Variants in MACROD2 observed in about 807,000 individuals in gnomAD.
MACROD2 encodes the protein mono-ADP ribosylhydrolase 2.
A neutral mutation model predicts 70.4 loss-of-function variants in MACROD2; 36 were observed. The ratio of observed to expected loss-of-function variants is 0.51; its 90% CI spans 0.39 to 0.68. The LOEUF is 0.68. MACROD2 is among the 30% of genes least tolerant of loss of function. The pLI is 0.00. For missense variants in MACROD2, 496 were observed against 538.4 expected (o/e 0.92, Z 0.78); for synonymous variants, 172 against 178.8 (o/e 0.96, Z 0.30).
chr20:14,570,877 AT>A (rs11480995), intron 4 of MACROD2, among the ~76,000 whole-genome samples: 4 of 151,348 alleles, frequency 2.6e-5, no homozygotes, highest in African/African-American at 9.7e-5. Context: ...GAATTATGTG[AT>A]TTTTTTTTAC....
chr20:15,496,816 G>A (rs1160405409), intron 7 of MACROD2, among the ~76,000 whole-genome samples: 1 of 152,174 alleles, frequency 6.6e-6, no homozygotes, highest in African/African-American at 2.4e-5. Flanking sequence ...GGCTGCCTCT[G>A]TTTTGTGTAA....
At chr20:15,380,703 GTTTACACCAA>G (rs1243611522) in intron 6 of MACROD2, among the ~76,000 whole-genome samples, 1 of 152,050 alleles carries the variant, frequency 6.6e-6, no homozygotes, top group African/African-American at 2.4e-5. Context: ...TGATGGAACT[GTTTACACCAA>G]GAAATTAGCA....
chr20:14,157,698 G>T (rs900233273), intron 3 of MACROD2, among the ~76,000 whole-genome samples: 1 of 152,022 alleles, frequency 6.6e-6, no homozygotes, highest in African/African-American at 2.4e-5. Flanking sequence ...TCTGTGCCTG[G>T]CTTATTTCAC....
intron 3 of MACROD2, among the ~76,000 whole-genome samples, chr20:14,112,544 G>C (rs2054465178): frequency 6.6e-6 from 1 of 151,712 alleles, no homozygotes; most frequent in African/African-American, 2.4e-5. Context: ...TTGATGTATA[G>C]TTTTATTAAT....
intron 5 of MACROD2, among the ~76,000 whole-genome samples, chr20:14,927,618 T>C (rs353140): frequency 0.49 from 74,748 of 151,968 alleles, 19,135 homozygotes; most frequent in South Asian, 0.71. Flanking sequence ...TACAGGCTAG[T>C]TCCTGGGGAA....
At chr20:15,487,245 C>G (rs990146151) in intron 7 of MACROD2, among the ~76,000 whole-genome samples, 1 of 152,134 alleles carries the variant, frequency 6.6e-6, no homozygotes, top group Non-Finnish European at 1.5e-5. Flanking sequence ...CTTATCTAAT[C>G]CAGCACTCTC....
intron 8 of MACROD2, among the ~76,000 whole-genome samples, chr20:15,781,531 A>G (rs1367619586): frequency 6.6e-6 from 1 of 152,196 alleles, no homozygotes; most frequent in Non-Finnish European, 1.5e-5. Flanking sequence ...TCTGCTTTCA[A>G]GATGGCTTCT....
At chr20:14,993,354 G>A (rs1347706244) in intron 5 of MACROD2, among the ~76,000 whole-genome samples, 3 of 151,522 alleles carry the variant, frequency 2.0e-5, no homozygotes, top group Non-Finnish European at 2.9e-5. Flanking sequence ...TCTTGGAAGT[G>A]TGCCCCTGGG....
intron 3 of MACROD2, among the ~76,000 whole-genome samples, chr20:14,302,597 C>A (rs1432920890): frequency 6.6e-6 from 1 of 151,880 alleles, no homozygotes; most frequent in African/African-American, 2.4e-5. Flanking sequence ...GGGAGTACAG[C>A]ACTTTTAAAT....
intron 2 of MACROD2, among the ~76,000 whole-genome samples, chr20:14,008,478 C>T (rs780844444): frequency 6.6e-6 from 1 of 152,126 alleles, no homozygotes; most frequent in Non-Finnish European, 1.5e-5. Context: ...AGAGAGGACA[C>T]AAACAGAGAA....
intron 5 of MACROD2, among the ~76,000 whole-genome samples, chr20:14,722,584 G>A (rs1476494070): frequency 6.6e-6 from 1 of 152,092 alleles, no homozygotes; most frequent in South Asian, 2.1e-4. Flanking sequence ...TAAGTAAATG[G>A]TTTTTAAACA....
At chr20:14,694,347 C>G (rs1323003701) in intron 5 of MACROD2, among the ~76,000 whole-genome samples, 2 of 152,028 alleles carry the variant, frequency 1.3e-5, no homozygotes, top group African/African-American at 4.8e-5. Flanking sequence ...TAACCGAGGC[C>G]TAGGAAAATT....
chr20:15,664,089 A>G (rs2049862541), intron 8 of MACROD2, among the ~76,000 whole-genome samples: 1 of 152,216 alleles, frequency 6.6e-6, no homozygotes, highest in Non-Finnish European at 1.5e-5. Context: ...GGCAATTTAG[A>G]TCAGCATTAA....
intron 4 of MACROD2, among the ~76,000 whole-genome samples, chr20:14,547,883 TC>T (rs1347805288): frequency 6.6e-6 from 1 of 152,138 alleles, no homozygotes; most frequent in African/African-American, 2.4e-5. Context: ...ATGGCTCTAA[TC>T]ATCCTGCAGT....
intron 3 of MACROD2, among the ~76,000 whole-genome samples, chr20:14,458,304 A>G (rs1362816533): frequency 1.3e-5 from 2 of 152,174 alleles, no homozygotes; most frequent in Admixed American, 6.5e-5. Flanking sequence ...TATTTCAACA[A>G]GATGATATAA....
chr20:14,362,707 G>A (rs1292580335), intron 3 of MACROD2, among the ~76,000 whole-genome samples: 1 of 152,052 alleles, frequency 6.6e-6, no homozygotes, highest in Non-Finnish European at 1.5e-5. Flanking sequence ...GGGAGGAAGA[G>A]AATTAACGAT....
chr20:14,979,930 G>T (rs1393646713), intron 5 of MACROD2, among the ~76,000 whole-genome samples: 1 of 152,160 alleles, frequency 6.6e-6, no homozygotes, highest in African/African-American at 2.4e-5. Context: ...AAATAGGGAT[G>T]ATAATACCTT....
At chr20:15,448,626 A>G (rs1158047296) in intron 7 of MACROD2, among the ~76,000 whole-genome samples, 1 of 152,194 alleles carries the variant, frequency 6.6e-6, no homozygotes, top group Non-Finnish European at 1.5e-5. Flanking sequence ...ACTATGGTCT[A>G]TCTTCATTAT....
intron 5 of MACROD2, among the ~76,000 whole-genome samples, chr20:14,891,165 A>T (rs1568857619): frequency 6.6e-6 from 1 of 151,832 alleles, no homozygotes; most frequent in Admixed American, 6.6e-5. Flanking sequence ...CCCTTTGGGA[A>T]TTTTTTTAAA....
Sources: allele counts gnomAD v4.1 joint callset (sites outside exome capture counted in the v4.1 genomes callset), GRCh38; gene constraint gnomAD v4.1.1; transcripts MANE v1.5; gene names NCBI Gene and HGNC (gene_info 2026-07-23, HGNC 2026-07-21).